DAPK2: variants seen among roughly 807,000 people sequenced by gnomAD.
DAPK2 encodes death associated protein kinase 2.
In DAPK2, 35 loss-of-function variants were observed where a neutral mutation model predicts 44.1. That is an observed-to-expected ratio of 0.79 (90% CI 0.61 to 1.05). The LOEUF (loss-of-function observed/expected upper bound fraction) is 1.05. Among genes scored for constraint, DAPK2 ranks in the 50% least tolerant of loss-of-function variants. The pLI is 0.00. For missense variants in DAPK2, 453 were observed against 483.2 expected (o/e 0.94, Z 0.59); for synonymous variants, 174 against 182.6 (o/e 0.95, Z 0.38).
chr15:64,017,566 T>C (rs796719890), intron 1 of DAPK2, among the ~76,000 whole-genome samples: 5 of 152,346 alleles, frequency 3.3e-5, no homozygotes, highest in African/African-American at 1.2e-4. Context: ...CCTCCCTGCT[T>C]TCGCTGGTCT....
intron 4 of DAPK2, among the ~76,000 whole-genome samples, chr15:63,930,691 TAAG>T (rs1340349029): frequency 4.6e-5 from 7 of 152,168 alleles, no homozygotes; most frequent in African/African-American, 1.4e-4. Context: ...GCAATAGTAT[TAAG>T]AAGTAGAGTC....
intron 3 of DAPK2, among the ~76,000 whole-genome samples, chr15:63,955,715 G>A (rs1218620412): frequency 2.0e-5 from 3 of 152,060 alleles, no homozygotes; most frequent in Non-Finnish European, 4.4e-5. Context: ...CTACAGGCAT[G>A]CACCACCACA....
intron 3 of DAPK2, among the ~76,000 whole-genome samples, chr15:63,945,224 TTGA>T (rs909430804): frequency 6.6e-6 from 1 of 152,118 alleles, no homozygotes; most frequent in African/African-American, 2.4e-5. Flanking sequence ...CCCCTCCGTG[TTGA>T]TGACGCTGGC....
At chr15:64,005,153 T>G (rs1410095093) in intron 1 of DAPK2, among the ~76,000 whole-genome samples, 3 of 152,002 alleles carry the variant, frequency 2.0e-5, no homozygotes, top group Admixed American at 6.6e-5. Context: ...GACAAAGACA[T>G]GTCTTCTGAG....
At position 63,987,373 on chromosome 15, in the gene DAPK2, A is replaced by T. The variant is rs145769642; in HGVS notation, c.93-3619T>A. ...GGCGAGGGTCTGTCTACTTTAGGACAGAGCCACCCAGAATGTCATCCAGGG... is the reference window on the plus strand; with the variant it reads ...GGCGAGGGTCTGTCTACTTTAGGACTGAGCCACCCAGAATGTCATCCAGGG... On this transcript the variant is annotated intron_variant, in intron 1 of 10. Transcript: ENST00000261891. Among the ~76,000 whole-genome samples the T allele has an allele frequency of 5.2e-3, 792 of 152,318 alleles. 4 individuals carry two copies. The highest frequency in any genetic ancestry group is 0.018 in the African/African-American group (749 of 41,562).
intron 1 of DAPK2, among the ~76,000 whole-genome samples, chr15:64,014,791 G>A (rs2079478648): frequency 6.6e-6 from 1 of 152,248 alleles, no homozygotes; most frequent in Non-Finnish European, 1.5e-5. Flanking sequence ...ATGGTGGTGG[G>A]CACCTGTAAT....
intron 3 of DAPK2, among the ~76,000 whole-genome samples, chr15:63,947,089 CCTCTGCTACCT>C (rs1481497712): frequency 3.3e-5 from 5 of 152,124 alleles, no homozygotes; most frequent in African/African-American, 4.8e-5. Flanking sequence ...GCCCGCTTTC[CCTCTGCTACCT>C]CTCTGCTACC....
intron 10 of DAPK2, chr15:63,911,687 G>T (rs958892220): frequency 3.4e-6 from 2 of 584,494 alleles, no homozygotes; most frequent in Non-Finnish European, 6.1e-6. Flanking sequence ...AGTTCATGCT[G>T]CTGCATCAGT....
At chr15:63,937,686 G>A (rs2077201659) in intron 4 of DAPK2, among the ~76,000 whole-genome samples, 1 of 152,108 alleles carries the variant, frequency 6.6e-6, no homozygotes, top group African/African-American at 2.4e-5. Flanking sequence ...TATCTCATAT[G>A]AACAGTCTTT....
chr15:63,974,291 A>G (rs2078289088), intron 2 of DAPK2, among the ~76,000 whole-genome samples: 1 of 152,252 alleles, frequency 6.6e-6, no homozygotes, highest in Non-Finnish European at 1.5e-5. Flanking sequence ...ATGAGTGCTC[A>G]AGACCCATGA....
intron 8 of DAPK2, chr15:63,922,310 G>T (rs138995032): frequency 0.013 from 13,422 of 995,956 alleles, 121 homozygotes; most frequent in Non-Finnish European, 0.014. Flanking sequence ...TAGCAGGAAA[G>T]CACCATGCTG....
At chr15:63,922,644 C>A in intron 8 of DAPK2, 1 of 1,442,754 alleles carries the variant, frequency 6.9e-7, no homozygotes. Flanking sequence ...CACACCCCTG[C>A]AGGATAATTC....
chr15:63,959,113 G>A (rs1453852785), intron 3 of DAPK2, among the ~76,000 whole-genome samples: 2 of 152,130 alleles, frequency 1.3e-5, no homozygotes, highest in Non-Finnish European at 2.9e-5. Flanking sequence ...TCTCTTTGAA[G>A]CAATTGTGAA....
chr15:63,913,920 C>T (rs924225696), intron 8 of DAPK2, among the ~76,000 whole-genome samples: 1 of 152,200 alleles, frequency 6.6e-6, no homozygotes, highest in Non-Finnish European at 1.5e-5. Context: ...GAGGAATCAC[C>T]CCACTCCTGG....
At chr15:63,933,104 G>A (rs1160715525) in intron 4 of DAPK2, among the ~76,000 whole-genome samples, 2 of 152,162 alleles carry the variant, frequency 1.3e-5, no homozygotes, top group Admixed American at 6.5e-5. Context: ...AGTGTGGTCT[G>A]CAGACGAATA....
At chr15:63,929,212 AAAGAGTTCTGAG>A (rs1341483016) in intron 6 of DAPK2, among the ~76,000 whole-genome samples, 2 of 151,966 alleles carry the variant, frequency 1.3e-5, no homozygotes, top group Non-Finnish European at 2.9e-5. Context: ...AAAAAAAAAA[AAAGAGTTCTGAG>A]TGAAAAGTGA....
intron 1 of DAPK2, among the ~76,000 whole-genome samples, chr15:64,035,967 A>T (rs2080167978): frequency 6.6e-6 from 1 of 152,094 alleles, no homozygotes; most frequent in Non-Finnish European, 1.5e-5. Context: ...AAAGCCTCTA[A>T]AGGAATCAGA....
At chr15:64,036,336 T>TATATATATAC (rs1331157703) in intron 1 of DAPK2, among the ~76,000 whole-genome samples, 7 of 115,098 alleles carry the variant, frequency 6.1e-5, no homozygotes, top group African/African-American at 2.0e-4. Flanking sequence ...TATATATATA[T>TATATATATAC]ACATATATAT....
intron 1 of DAPK2, among the ~76,000 whole-genome samples, chr15:64,007,972 A>C (rs567143651): frequency 1.5e-3 from 225 of 152,348 alleles, no homozygotes; most frequent in African/African-American, 5.2e-3. Context: ...AGAACAGGCA[A>C]ATCCACAGAC....
Sources: allele counts gnomAD v4.1 joint callset (sites outside exome capture counted in the v4.1 genomes callset), GRCh38; gene constraint gnomAD v4.1.1; transcripts MANE v1.5; gene names NCBI Gene and HGNC (gene_info 2026-07-23, HGNC 2026-07-21).